Variants in CEACAM1 observed in about 807,000 individuals in gnomAD.
CEACAM1 encodes the protein cell adhesion molecule CEACAM1.
A neutral mutation model predicts 49.1 loss-of-function variants in CEACAM1; 31 were observed. The observed-to-expected ratio is 0.63, with a 90% CI of 0.47 to 0.85. CEACAM1 has a LOEUF of 0.85. CEACAM1 is among the 40% of genes least tolerant of loss of function. The pLI, the probability that CEACAM1 is intolerant of heterozygous loss-of-function variation, is 0.00. For missense variants in CEACAM1, 570 were observed against 645.3 expected (o/e 0.88, Z 1.26); for synonymous variants, 244 against 247.8 (o/e 0.98, Z 0.14).
At chr19:42,527,504 AGT>A (rs3038002) in intron 1 of CEACAM1, 104 bp from the exon 2 acceptor site, 233,159 of 707,220 alleles carry the variant, frequency 0.33, 16,694 homozygotes, top group African/African-American at 0.4. Flanking sequence ...TCCACCTTGG[AGT>A]GTGTGTGTGT....
intron 4 of CEACAM1, chr19:42,520,682 C>T (rs1342844054): frequency 6.5e-6 from 1 of 153,764 alleles, no homozygotes; most frequent in Non-Finnish European, 1.4e-5. Context: ...TGACTGCCAT[C>T]TTGATTTAGC....
At chr19:42,527,502 GGA>G (rs955195119) in intron 1 of CEACAM1, 102 bp from the exon 2 acceptor site, 5 of 1,033,124 alleles carry the variant, frequency 4.8e-6, no homozygotes, top group Non-Finnish European at 6.8e-6. Context: ...CCTCCACCTT[GGA>G]GTGTGTGTGT....
intron 3 of CEACAM1, 99 bp from the exon 4 acceptor site, chr19:42,521,620 A>T: frequency 6.5e-7 from 1 of 1,541,752 alleles, no homozygotes; most frequent in Non-Finnish European, 8.7e-7. Context: ...ACTAAGTCAC[A>T]ACCCTGAAGT....
chr19:42,528,235 T>A, intron 1 of CEACAM1, 76 bp downstream of exon 1: 1 of 1,314,190 alleles, frequency 7.6e-7, no homozygotes, highest in Non-Finnish European at 1.1e-6. Flanking sequence ...CTCTTAGAGC[T>A]CCATCCTCCC....
chr19:42,528,240 C>A, intron 1 of CEACAM1, 71 bp downstream of exon 1: 1 of 1,378,378 alleles, frequency 7.3e-7, no homozygotes. Flanking sequence ...AGAGCTCCAT[C>A]CTCCCCAGAG....
intron 2 of CEACAM1, among the ~76,000 whole-genome samples, chr19:42,526,268 G>A (rs8107152): frequency 0.22 from 33,398 of 152,056 alleles, 5,923 homozygotes; most frequent in African/African-American, 0.48. Flanking sequence ...AGCATCTATT[G>A]TTGTTGGATT....
intron 5 of CEACAM1, chr19:42,514,872 C>T: frequency 2.0e-6 from 1 of 498,674 alleles, no homozygotes; most frequent in South Asian, 2.9e-5. Context: ...TACCTGATTT[C>T]AAGGCTAATG....
chr19:42,508,830 A>C lies in CEACAM1; in HGVS notation c.*279T>G, dbSNP rs765186581. 3 of 382,044 alleles carry C rather than the reference A, an allele frequency of 7.9e-6. No homozygotes were observed. The highest frequency in any genetic ancestry group is 1.5e-5 in the Non-Finnish European group (3 of 206,886). The allele number at this position is 382,044 out of a possible 1,614,324, so 23.7% of individuals were successfully genotyped here. ...ACAAGTCCAGGTTGGGAAAAGGGGA[A>C]GGGAGGGGAAGTTCTGGTCCCTCTT... On this transcript the variant is annotated 3_prime_UTR_variant, in exon 9 of 9. Coordinates refer to ENST00000161559, the MANE Select transcript of CEACAM1 (RefSeq NM_001712.5).
At chr19:42,516,879 CAAAAA>C (rs1199610196) in intron 5 of CEACAM1, 1 of 416,800 alleles carries the variant, frequency 2.4e-6, no homozygotes, top group African/African-American at 2.2e-5. Flanking sequence ...CAAAGAAAAG[CAAAAA>C]AACAAAACAA....
chr19:42,527,504 AGTGTGTGTGTGT>A (rs3038002), intron 1 of CEACAM1, 104 bp from the exon 2 acceptor site: 332 of 715,494 alleles, frequency 4.6e-4, no homozygotes, highest in South Asian at 1.2e-3. Flanking sequence ...TCCACCTTGG[AGTGTGTGTGTGT>A]GTGTGTGTGT....
At chr19:42,514,806 G>A (rs1391508935) in intron 5 of CEACAM1, among the ~76,000 whole-genome samples, 1 of 152,146 alleles carries the variant, frequency 6.6e-6, no homozygotes, top group Non-Finnish European at 1.5e-5. Flanking sequence ...GTGGTAAAAG[G>A]CTTACCTAAA....
At chr19:42,526,952 G>C in intron 2 of CEACAM1, 89 bp downstream of exon 2, 2 of 1,553,958 alleles carry the variant, frequency 1.3e-6, no homozygotes, top group Non-Finnish European at 1.7e-6. Context: ...ATGCAGAGGA[G>C]GACACAGGCA....
chr19:42,519,645 C>T (rs574311609), intron 4 of CEACAM1, among the ~76,000 whole-genome samples: 2 of 151,714 alleles, frequency 1.3e-5, no homozygotes, highest in Non-Finnish European at 1.5e-5. Context: ...TCTCAGCTCA[C>T]TGCAAGCTCT....
At chr19:42,523,537 T>C (rs41517547) in intron 2 of CEACAM1, among the ~76,000 whole-genome samples, 13,860 of 152,214 alleles carry the variant, frequency 0.091, 844 homozygotes, top group Admixed American at 0.15. Flanking sequence ...ATGTCCCTTT[T>C]CCCCCTGAAA....
chr19:42,522,197 G>C lies in CEACAM1; in HGVS notation c.430C>G (p.Leu144Val). 4 of 1,614,240 alleles carry C rather than the reference G, an allele frequency of 2.5e-6. No individual in the cohort carries two copies. The highest frequency in any genetic ancestry group is 2.7e-5 in the African/African-American group (2 of 75,062). Residue 144 changes from leucine (L) to valine (V), a missense_variant, in exon 3 of 9, where the codon CTG becomes GTG. Coordinates refer to ENST00000161559, the MANE Select transcript of CEACAM1 (RefSeq NM_001712.5). Reference sequence around the variant, plus strand: ...TTGCTGGAGATGGAGGGCTTGGGCAGCTCCGCTATGCAGAAAACAGAGAGA... The same window carrying C: ...TTGCTGGAGATGGAGGGCTTGGGCACCTCCGCTATGCAGAAAACAGAGAGA... ...ATGQFHVYPE[L>V]PKPSISSNNS...
intron 5 of CEACAM1, among the ~76,000 whole-genome samples, chr19:42,514,306 T>G (rs2041545031): frequency 6.6e-6 from 1 of 152,056 alleles, no homozygotes; most frequent in Non-Finnish European, 1.5e-5. Context: ...TAATTTTGTA[T>G]TTTTAGTAGA....
At chr19:42,514,134 CTTTT>C (rs113780562) in intron 5 of CEACAM1, among the ~76,000 whole-genome samples, 1 of 132,614 alleles carries the variant, frequency 7.5e-6, no homozygotes, top group Non-Finnish European at 1.6e-5. Context: ...TTTTTTCTTT[CTTTT>C]TTTTTTTTTT....
chr19:42,523,986 G>T (rs1031388518), intron 2 of CEACAM1, among the ~76,000 whole-genome samples: 1 of 152,198 alleles, frequency 6.6e-6, no homozygotes, highest in African/African-American at 2.4e-5. Flanking sequence ...ATGAGGAGAA[G>T]TGATGTATGT....
At position 42,508,261 on chromosome 19, in the gene CEACAM1, G is replaced by A. The variant is rs1421116913; in HGVS notation, c.*848C>T. The A allele has an allele frequency of 1.3e-5, 2 of 152,132 alleles. No individual in the cohort carries two copies. Among genetic ancestry groups the A allele is most frequent in the Non-Finnish European group, 2.9e-5 (2 of 68,030 alleles). The allele number at this position is 152,132 out of a possible 1,614,324, so 9.4% of individuals were successfully genotyped here. A position where few individuals can be genotyped will look rare whatever the true frequency, so the allele number is the denominator to read the frequency against. The stretch of plus-strand genomic sequence containing the variant: ...ACAATAATTTAAATAATCGCTGAAG[G>A]GCAGCTCTCTGATTCCTTTCCCAAG... On this transcript the variant is annotated 3_prime_UTR_variant, in exon 9 of 9. Transcript: ENST00000161559.
Sources: gnomAD v4.1 joint callset for allele counts (sites outside exome capture counted in the v4.1 genomes callset) on GRCh38, gnomAD v4.1.1 for gene constraint, MANE v1.5 for transcripts, NCBI Gene and HGNC (gene_info 2026-07-23, HGNC 2026-07-21) for gene names.